The following MND1 variants were observed in gnomAD, a reference collection of about 807,000 sequenced individuals.
The protein encoded by MND1 is meiotic nuclear division protein 1 homolog.
A neutral mutation model predicts 35.1 loss-of-function variants in MND1; 28 were observed. The observed-to-expected ratio is 0.80, with a 90% CI of 0.59 to 1.09. The LOEUF (loss-of-function observed/expected upper bound fraction) is 1.09. MND1 is among the 50% of genes least tolerant of loss of function. MND1 has a pLI of 0.00. For missense variants in MND1, 213 were observed against 239.6 expected (o/e 0.89, Z 0.73); for synonymous variants, 69 against 70.5 (o/e 0.98, Z 0.11).
intron 5 of MND1, 79 bp downstream of exon 5, chr4:153,394,415 A>G (rs1729144744): frequency 8.8e-7 from 1 of 1,138,012 alleles, no homozygotes; most frequent in Non-Finnish European, 1.3e-6. Context: ...TCCTGTGAGG[A>G]GGATGCATTT....
chr4:153,388,894 A>G (rs1195726494), intron 4 of MND1, among the ~76,000 whole-genome samples: 1 of 152,202 alleles, frequency 6.6e-6, no homozygotes, highest in Non-Finnish European at 1.5e-5. Context: ...GCGACAGAAC[A>G]GGTCTCAGTG....
intron 1 of MND1, among the ~76,000 whole-genome samples, chr4:153,348,292 T>C (rs1016506132): frequency 2.6e-4 from 40 of 152,160 alleles, no homozygotes; most frequent in African/African-American, 9.2e-4. Flanking sequence ...ACTCAAGGTC[T>C]AGAACAGCAA....
intron 4 of MND1, among the ~76,000 whole-genome samples, chr4:153,392,963 T>A (rs1258302387): frequency 6.6e-6 from 1 of 151,712 alleles, no homozygotes; most frequent in Non-Finnish European, 1.5e-5. Context: ...CTAGAAAAAA[T>A]TATTAAAATA....
intron 4 of MND1, among the ~76,000 whole-genome samples, chr4:153,366,065 A>T (rs898839846): frequency 6.6e-6 from 1 of 152,174 alleles, no homozygotes; most frequent in African/African-American, 2.4e-5. Context: ...GCTCTCTGGG[A>T]TAATCTTCCT....
At chr4:153,354,042 T>A (rs1177989931) in intron 2 of MND1, among the ~76,000 whole-genome samples, 1 of 152,226 alleles carries the variant, frequency 6.6e-6, no homozygotes, top group African/African-American at 2.4e-5. Flanking sequence ...TTCTAATTAC[T>A]ACATACTTTA....
At chr4:153,391,766 A>ACAC (rs1729046390) in intron 4 of MND1, among the ~76,000 whole-genome samples, 1 of 151,744 alleles carries the variant, frequency 6.6e-6, no homozygotes, top group African/African-American at 2.4e-5. Context: ...ACATATATAT[A>ACAC]TCACACAGCA....
At chr4:153,376,734 A>C (rs1348982396) in intron 4 of MND1, among the ~76,000 whole-genome samples, 1 of 152,098 alleles carries the variant, frequency 6.6e-6, no homozygotes, top group African/African-American at 2.4e-5. Context: ...TCCCTTCCAC[A>C]CTTCCTGTTC....
At chr4:153,344,774 C>G (rs771207702) in intron 1 of MND1, 34 bp downstream of exon 1, 29 of 1,600,178 alleles carry the variant, frequency 1.8e-5, no homozygotes, top group Non-Finnish European at 2.5e-5. Flanking sequence ...GCGTCTTCTT[C>G]CTCCCTAGTG....
At chr4:153,393,787 T>G (rs1045091088) in intron 4 of MND1, among the ~76,000 whole-genome samples, 2 of 151,996 alleles carry the variant, frequency 1.3e-5, no homozygotes, top group African/African-American at 4.8e-5. Flanking sequence ...TGCTATTCGT[T>G]TTATCTATCT....
chr4:153,399,534 CT>C (rs1224418499), intron 6 of MND1, among the ~76,000 whole-genome samples: 1 of 152,084 alleles, frequency 6.6e-6, no homozygotes, highest in African/African-American at 2.4e-5. Context: ...GTGGGGAAAA[CT>C]TGTATTTTAG....
At chr4:153,407,099 C>T (rs909986921) in intron 6 of MND1, among the ~76,000 whole-genome samples, 3 of 152,182 alleles carry the variant, frequency 2.0e-5, no homozygotes, top group African/African-American at 7.2e-5. Context: ...TGTTACAATT[C>T]AAGATGAGAT....
chr4:153,372,546 T>C (rs1420037125), intron 4 of MND1, among the ~76,000 whole-genome samples: 4 of 152,298 alleles, frequency 2.6e-5, no homozygotes, highest in South Asian at 2.1e-4. Context: ...ATCAAGGTAA[T>C]TGAACATACC....
At chr4:153,373,587 T>C (rs1356764684) in intron 4 of MND1, among the ~76,000 whole-genome samples, 4 of 152,134 alleles carry the variant, frequency 2.6e-5, no homozygotes, top group Non-Finnish European at 4.4e-5. Context: ...AATGAGAGAA[T>C]TGGCATCCAG....
At chr4:153,360,629 TACAC>T (rs1334158816) in intron 4 of MND1, among the ~76,000 whole-genome samples, 18 of 147,236 alleles carry the variant, frequency 1.2e-4, no homozygotes, top group African/African-American at 2.5e-4. Flanking sequence ...CACATAAAAA[TACAC>T]ACATATATAC....
At chr4:153,404,344 G>C (rs1234456412) in intron 6 of MND1, among the ~76,000 whole-genome samples, 38 of 126,700 alleles carry the variant, frequency 3.0e-4, no homozygotes, top group African/African-American at 1.3e-3. Context: ...ACCACGCCCA[G>C]CTTTTTTTTT....
At chr4:153,344,867 G>A (rs1232474094) in intron 1 of MND1, 127 bp downstream of exon 1, 5 of 1,468,756 alleles carry the variant, frequency 3.4e-6, no homozygotes, top group Non-Finnish European at 2.7e-6. Flanking sequence ...CGGTCGCCCG[G>A]CTCTCGGCCT....
intron 7 of MND1, among the ~76,000 whole-genome samples, chr4:153,409,340 A>G (rs1275863762): frequency 6.7e-6 from 1 of 149,104 alleles, no homozygotes; most frequent in Non-Finnish European, 1.5e-5. Context: ...CACTTTTAAG[A>G]TAATGAAATC....
rs1185831033 is a variant in MND1 at position 153,350,058 on chromosome 4, CT to C, written c.4-3del. On this transcript the variant is annotated splice_region_variant and splice_polypyrimidine_tract_variant and intron_variant, in intron 1 of 7. Transcript: ENST00000240488. ...CATTGTTTACTTGTTAATTTTTTTGCTTTAGTCAAAGAAAAAAGGACTGAGT... is the reference window on the plus strand; with the variant it reads ...CATTGTTTACTTGTTAATTTTTTTGCTTAGTCAAAGAAAAAAGGACTGAGT... The C allele has an allele frequency of 7.6e-6, 12 of 1,579,206 alleles. No individual in the cohort carries two copies. Among genetic ancestry groups the C allele is most frequent in the Non-Finnish European group, 1.0e-5 (12 of 1,164,020 alleles).
chr4:153,365,394 C>G (rs1474331001), intron 4 of MND1, among the ~76,000 whole-genome samples: 1 of 152,114 alleles, frequency 6.6e-6, no homozygotes, highest in African/African-American at 2.4e-5. Flanking sequence ...GTCAAAATAA[C>G]AACAAATTTA....
Sources: allele counts gnomAD v4.1 joint callset (sites outside exome capture counted in the v4.1 genomes callset), GRCh38; gene constraint gnomAD v4.1.1; transcripts MANE v1.5; gene names NCBI Gene and HGNC (gene_info 2026-07-23, HGNC 2026-07-21).